SF1: variants seen among roughly 807,000 people sequenced by gnomAD.
SF1 encodes branch point-binding protein.
In SF1, 7 loss-of-function variants were observed where a neutral mutation model predicts 62.5. The ratio of observed to expected loss-of-function variants is 0.11; its 90% CI spans 0.06 to 0.21. SF1 has a LOEUF of 0.21. SF1 is among the 10% of genes least tolerant of loss of function. The pLI, the probability that SF1 is intolerant of heterozygous loss-of-function variation, is 1.00. For missense variants in SF1, 578 were observed against 884.0 expected (o/e 0.65, Z 4.39); for synonymous variants, 394 against 323.6 (o/e 1.22, Z -2.33).
rs202182976 is a variant in SF1 at position 64,765,971 on chromosome 11, C to T, written c.1767G>A (p.Pro589=). ...CATACATCATGCCGGCGGAACCAGG[C>T]GGTGGAGGCGGCGGAGGGGGAGGGG... ...PGAPPPPPPP[P]PGSAGMMYAP... Residue 589 remains proline (P), a synonymous_variant, in exon 13 of 13, where the codon CCG becomes CCA. Transcript: ENST00000377390. 375 of 1,234,058 alleles carry T rather than the reference C, an allele frequency of 3.0e-4. No homozygotes were observed. The East Asian group carries it at 0.015, about 50-fold the overall frequency. 76.4% of individuals were successfully genotyped at this position (1,234,058 alleles called of 1,614,324 possible).
At position 64,764,874 on chromosome 11, in the gene SF1, G is replaced by A. The variant is rs1158087798; in HGVS notation, c.*944C>T. The A allele has an allele frequency of 6.6e-6, 1 of 152,334 alleles. No homozygotes were observed. The highest frequency in any genetic ancestry group is 2.4e-5 in the African/African-American group (1 of 41,452). 9.4% of individuals were successfully genotyped at this position (152,334 alleles called of 1,614,324 possible). On this transcript the variant is annotated 3_prime_UTR_variant, in exon 13 of 13. Transcript: ENST00000377390. ...CAAAACATAAAAGGAAGCCTTCCAG[G>A]AAGGAGAGGACCAAATGGAATCTGA...
intron 3 of SF1, 106 bp from the exon 4 acceptor site, chr11:64,770,514 A>T: frequency 8.0e-7 from 1 of 1,252,020 alleles, no homozygotes; most frequent in Admixed American, 2.1e-5. Context: ...ACCCTAATAC[A>T]ACACTCTTCG....
In SF1 at chr11:64,767,039, C is replaced by T. The variant is rs564895500; in HGVS notation, c.1443G>A (p.Pro481=). The T allele has an allele frequency of 1.1e-5, 17 of 1,552,290 alleles. No individual in the cohort carries two copies. Among genetic ancestry groups the T allele is most frequent in the African/African-American group, 2.7e-5 (2 of 73,100 alleles). ...PPPPMGMMPP[P]PPPPSGQPPP... is the part of the protein sequence containing the mutation. ...GGGGCTGCCCACTGGGAGGCGGCGG[C>T]GGCGGCGGCATCATGCCCATAGGTG... Residue 481 remains proline, a synonymous_variant, in exon 12 of 13, where the codon CCG becomes CCA. Coordinates refer to ENST00000377390, the MANE Select transcript of SF1 (RefSeq NM_004630.4).
Position 64,766,993 on chromosome 11 carries a change from G to A in SF1, c.1489C>T (p.Leu497Phe), listed in dbSNP as rs1286713700. Residue 497 changes from leucine (L) to phenylalanine (F), a missense_variant, in exon 12 of 13, where the codon CTT becomes TTT. This residue lies in a region of SF1 where 410 missense variants were observed against 452.4 expected (regional missense o/e 0.91). Coordinates refer to ENST00000377390, the MANE Select transcript of SF1 (RefSeq NM_004630.4). ...GQPPPPPSGP[L>F]PPWQQQQQQP... is the part of the protein sequence containing the mutation. ...TGCTGCTGTTGTTGCCATGGGGGAA[G>A]AGGACCAGAGGGAGGGGGTGGGGGC... is the stretch of plus-strand genomic sequence containing the variant. 2 of 1,517,138 alleles carry A rather than the reference G, an allele frequency of 1.3e-6. No individual in the cohort carries two copies. Among genetic ancestry groups the A allele is most frequent in the Non-Finnish European group, 1.8e-6 (2 of 1,132,822 alleles). The allele number at this position is 1,517,138 out of a possible 1,614,324, so 94.0% of individuals were successfully genotyped here. A position where few individuals can be genotyped will look rare whatever the true frequency, so the allele number is the denominator to read the frequency against.
rs531379931 is a variant in SF1 at position 64,766,384 on chromosome 11, A to G, written c.1583-229T>C. 78 of 575,638 alleles carry G rather than the reference A, an allele frequency of 1.4e-4. No homozygotes were observed. In the African/African-American group the frequency reaches 1.4e-3, roughly 10 times the overall value. The allele number at this position is 575,638 out of a possible 1,614,324, so 35.7% of individuals were successfully genotyped here. ...TAACAGAGTAAGCCCTTTGTCACCA[A>G]TGCCCCTGGAAGGGCTGAGGGGAAG... On this transcript the variant is annotated intron_variant, in intron 12 of 12. Coordinates refer to ENST00000377390, the MANE Select transcript of SF1 (RefSeq NM_004630.4).
chr11:64,769,936 T>C (rs1344733740), intron 5 of SF1, 28 bp downstream of exon 5: 4 of 1,529,942 alleles, frequency 2.6e-6, no homozygotes, highest in African/African-American at 2.7e-5. Flanking sequence ...AAAGGAATTC[T>C]ATATCCTATA....
chr11:64,771,429 A>C, intron 3 of SF1: 3 of 983,796 alleles, frequency 3.0e-6, no homozygotes, highest in Non-Finnish European at 3.6e-6. Context: ...CAGGTTATTA[A>C]AAAAACATAC....
intron 9 of SF1, 126 bp from the exon 10 acceptor site, chr11:64,767,970 T>A (rs917607627): frequency 3.4e-6 from 5 of 1,451,066 alleles, no homozygotes; most frequent in Middle Eastern, 3.6e-4. Context: ...GTCCCCAAAC[T>A]GGCCTGAGAT....
chr11:64,765,537 G>A lies in SF1; in HGVS notation c.*281C>T, dbSNP rs1392208731. On this transcript the variant is annotated 3_prime_UTR_variant, in exon 13 of 13. Coordinates refer to ENST00000377390, the MANE Select transcript of SF1 (RefSeq NM_004630.4). ...AGGGATCCTGGCGGCCCGGTTTGGG[G>A]AGAGGCAAAGGGAGTTGGGTGAGGA... is the stretch of plus-strand genomic sequence containing the variant. 1 of 1,604,506 alleles carries A rather than the reference G, an allele frequency of 6.2e-7. No individual in the cohort carries two copies. The highest frequency in any genetic ancestry group is 1.7e-5 in the Admixed American group (1 of 58,344).
chr11:64,767,610 C>G lies in SF1; in HGVS notation c.1303G>C (p.Gly435Arg), dbSNP rs1484476495. 1 of 1,583,814 alleles carries G rather than the reference C, an allele frequency of 6.3e-7. No homozygotes were observed. The change falls in exon 10 of 13, where the codon GGC becomes CGC. Residue 435 changes from glycine (G) to arginine (R), a missense_variant. Physicochemically the swap from Gly to Arg is moderately radical, Grantham distance 125 (BLOSUM62 -2). Around this residue, in one of 7 missense-constraint regions of SF1, gnomAD observed 410 missense variants for 452.4 expected, o/e 0.91. Transcript: ENST00000377390. ...CCATGGTGCCCAGGAGGGTGGGGGC[C>G]CTGGTTCATCGGTGGTGGTGGTGGC... Reference protein sequence around the residue: ...MQPPPPPMNQGPHPPGHHGPP... With the variant: ...MQPPPPPMNQRPHPPGHHGPP...
Position 64,773,438 on chromosome 11 carries a change from A to G in SF1, c.228T>C (p.Pro76=). ...TAAAACTGTTTCCCAACCTGTCCTC[A>G]GGGTTAGGGGGGATGCCCAGGTCTC... is the stretch of plus-strand genomic sequence containing the variant. ...RTGDLGIPPN[P]EDRSPSPEPI... Residue 76 remains proline, a synonymous_variant, in exon 3 of 13, where the codon CCT becomes CCC. Transcript: ENST00000377390. The G allele has an allele frequency of 6.2e-7, 1 of 1,613,262 alleles. No individual in the cohort carries two copies. The highest frequency in any genetic ancestry group is 8.5e-7 in the Non-Finnish European group (1 of 1,179,774).
chr11:64,771,791 T>C (rs930070931), intron 3 of SF1: 1 of 985,106 alleles, frequency 1.0e-6, no homozygotes, highest in Non-Finnish European at 1.2e-6. Flanking sequence ...AACAATAAAG[T>C]GGCTTAAGTG....
chr11:64,767,020 G>C lies in SF1; in HGVS notation c.1462C>G (p.Gln488Glu). ...GGACCAGAGGGAGGGGGTGGGGGCT[G>C]CCCACTGGGAGGCGGCGGCGGCGGC... ...MPPPPPPPSG[Q>E]PPPPPSGPLP... Residue 488 changes from glutamine (Q) to glutamate (E), a missense_variant, in exon 12 of 13, where the codon CAG (glutamine) becomes GAG (glutamate). Gln to Glu is a conservative substitution (Grantham distance 29, BLOSUM62 2). Coordinates refer to ENST00000377390, the MANE Select transcript of SF1 (RefSeq NM_004630.4). 6.5e-7 allele frequency: 1 copy of C among 1,547,368 alleles called. No homozygotes were observed. The highest frequency in any genetic ancestry group is 8.7e-7 in the Non-Finnish European group (1 of 1,145,632).
chr11:64,772,565 A>G (rs752138019), intron 3 of SF1: 31 of 985,244 alleles, frequency 3.1e-5, no homozygotes, highest in Middle Eastern at 1.0e-3. Flanking sequence ...AACCAAAAAC[A>G]CTACTTTTTA....
intron 1 of SF1, among the ~76,000 whole-genome samples, chr11:64,776,969 G>A (rs1263076601): frequency 1.3e-5 from 2 of 152,154 alleles, no homozygotes; most frequent in East Asian, 1.9e-4. Context: ...AATCCCCAGG[G>A]GAGACAAAAA....
In SF1 at chr11:64,769,576, G is replaced by A. The variant is rs752270947; in HGVS notation, c.513C>T (p.Cys171=). ...GNTLKNIEKE[C]NAKIMIRGKG... is the part of the protein sequence containing the mutation. ...TCCCCCGGATCATAATCTTGGCATT[G>A]CACTCCTTCTCTATGTTCTTCAGGG... The change falls in exon 6 of 13, where the codon TGC becomes TGT. Residue 171 remains cysteine, a synonymous_variant. Transcript: ENST00000377390. 1.7e-5 allele frequency: 28 copies of A among 1,613,866 alleles called. No individual in the cohort carries two copies. Among genetic ancestry groups the A allele is most frequent in the Non-Finnish European group, 3.4e-6 (4 of 1,179,988 alleles).
At position 64,767,223 on chromosome 11, in the gene SF1, G is replaced by C. The variant is rs138100278; in HGVS notation, c.1371C>G (p.Gly457=). 2.5e-6 allele frequency: 4 copies of C among 1,614,116 alleles called. No homozygotes were observed. The highest frequency in any genetic ancestry group is 3.4e-6 in the Non-Finnish European group (4 of 1,179,982). ...CTTGATGCAGGCGATAGACCCCAGAGCCCACAGGCGTACTTCCCAGGTACT... is the reference window on the plus strand; with the variant it reads ...CTTGATGCAGGCGATAGACCCCAGACCCCACAGGCGTACTTCCCAGGTACT... ...MDQYLGSTPV[G]SGVYRLHQGK... The change falls in exon 11 of 13, where the codon GGC becomes GGG. Residue 457 remains glycine (G), a synonymous_variant. Transcript: ENST00000377390.
At chr11:64,767,399 A>C in intron 10 of SF1, 148 bp from the exon 11 acceptor site, 2 of 1,031,766 alleles carry the variant, frequency 1.9e-6, no homozygotes, top group South Asian at 2.8e-5. Flanking sequence ...ACACAGAATC[A>C]CTCCCTGAAC....
At position 64,770,243 on chromosome 11, in the gene SF1, C is replaced by T; in HGVS notation, c.389+13G>A. ...TGTGTCTTCATCCCAGATGACCGAG[C>T]CCCTCCGCTTACTTGTAATCTGCAG... On this transcript the variant is annotated intron_variant, in intron 4 of 12. Coordinates refer to ENST00000377390, the MANE Select transcript of SF1 (RefSeq NM_004630.4). 11 of 1,608,894 alleles carry T rather than the reference C, an allele frequency of 6.8e-6. No homozygotes were observed. The highest frequency in any genetic ancestry group is 8.5e-6 in the Non-Finnish European group (10 of 1,175,960).
Sources: gnomAD v4.1 joint callset for allele counts (sites outside exome capture counted in the v4.1 genomes callset) on GRCh38, gnomAD v4.1.1 for gene constraint, gnomAD v4.1.1 regional missense constraint, MANE v1.5 for transcripts, NCBI Gene and HGNC (gene_info 2026-07-23, HGNC 2026-07-21) for gene names.